CSNK1G1: variants seen among roughly 807,000 people sequenced by gnomAD.
The protein encoded by CSNK1G1 is casein kinase 1 gamma 1.
CSNK1G1 carries 22 observed loss-of-function variants against 59.6 expected under a neutral mutation model. The ratio of observed to expected loss-of-function variants is 0.37; its 90% CI spans 0.26 to 0.53. The LOEUF is 0.53. Ranked by LOEUF, CSNK1G1 falls within the 20% of genes least tolerant of loss-of-function variation. The probability of loss-of-function intolerance (pLI) is 0.89; values close to 1 mark genes in which losing one functional copy is unlikely to be tolerated. For missense variants in CSNK1G1, 384 were observed against 519.5 expected, an observed-to-expected ratio of 0.74 and a Z score of 2.54; for synonymous variants, 179 against 177.1, an observed-to-expected ratio of 1.01 and a Z score of -0.08.
At chr15:64,355,080 G>A (rs1285450785) in intron 1 of CSNK1G1, among the ~76,000 whole-genome samples, 3 of 152,244 alleles carry the variant, frequency 2.0e-5, no homozygotes, top group Middle Eastern at 3.4e-3. Context: ...AGGTTTACTG[G>A]CAGGTAAGAA....
chr15:64,284,476 T>A (rs891024163), intron 2 of CSNK1G1, among the ~76,000 whole-genome samples: 1 of 152,198 alleles, frequency 6.6e-6, no homozygotes, highest in Non-Finnish European at 1.5e-5. Context: ...TGTAGTTAGA[T>A]CTTAAATTCC....
chr15:64,242,629 C>T (rs530690990), intron 4 of CSNK1G1, among the ~76,000 whole-genome samples: 13 of 152,240 alleles, frequency 8.5e-5, no homozygotes, highest in South Asian at 4.1e-4. Context: ...TGGCCTAATA[C>T]GGCTTCACTA....
At chr15:64,314,887 C>T (rs920162679) in intron 1 of CSNK1G1, among the ~76,000 whole-genome samples, 10 of 152,152 alleles carry the variant, frequency 6.6e-5, no homozygotes, top group Admixed American at 5.9e-4. Flanking sequence ...GTGTTGAACA[C>T]TTAGGTTGAT....
chr15:64,184,228 G>A (rs544107780), intron 10 of CSNK1G1, among the ~76,000 whole-genome samples: 2 of 152,162 alleles, frequency 1.3e-5, no homozygotes, highest in South Asian at 4.1e-4. Context: ...GTGTGAACCT[G>A]GGAGGCGTAG....
At chr15:64,301,427 C>G (rs941611671) in intron 1 of CSNK1G1, among the ~76,000 whole-genome samples, 1 of 150,898 alleles carries the variant, frequency 6.6e-6, no homozygotes, top group African/African-American at 2.4e-5. Context: ...CTGCAGTGTC[C>G]AAATTCAGGA....
chr15:64,277,034 G>T (rs1341786593), intron 2 of CSNK1G1, among the ~76,000 whole-genome samples: 1 of 151,808 alleles, frequency 6.6e-6, no homozygotes, highest in African/African-American at 2.4e-5. Flanking sequence ...AATTCCGGAA[G>T]AACTAGAACC....
rs141667907 is a variant in CSNK1G1, at chr15:64,188,793, T to C, written c.1108-8339A>G. Among the ~76,000 whole-genome samples the C allele has an allele frequency of 4.8e-3, 729 of 152,244 alleles. 6 individuals carry two copies. The highest frequency in any genetic ancestry group is 0.017 in the African/African-American group (703 of 41,546). On this transcript the variant is annotated intron_variant, in intron 10 of 11. Coordinates refer to ENST00000303052, the MANE Select transcript of CSNK1G1 (RefSeq NM_022048.5). This position sits in a 1 kb window ranked among gnomAD's most constrained non-coding sequence, Gnocchi z 4.2. The stretch of plus-strand genomic sequence containing the variant: ...AGCTGGGATCATCTTTTAGTTTCCA[T>C]AGAGGTAAAATTTCAGTAGCCACTA...
intron 3 of CSNK1G1, among the ~76,000 whole-genome samples, chr15:64,256,778 T>C (rs116545147): frequency 6.6e-6 from 1 of 151,728 alleles, no homozygotes; most frequent in East Asian, 1.9e-4. Flanking sequence ...GAAAAAAGAG[T>C]CCACAATGAA....
intron 4 of CSNK1G1, among the ~76,000 whole-genome samples, chr15:64,237,727 A>G (rs2082634746): frequency 6.6e-6 from 1 of 152,214 alleles, no homozygotes; most frequent in African/African-American, 2.4e-5. Flanking sequence ...TCAGATCTAT[A>G]GTTAATTGCT....
chr15:64,339,593 A>T (rs561192264), intron 1 of CSNK1G1, among the ~76,000 whole-genome samples: 1 of 152,172 alleles, frequency 6.6e-6, no homozygotes, highest in Non-Finnish European at 1.5e-5. Flanking sequence ...GATTACAGAC[A>T]TGAGCCCAGC....
intron 1 of CSNK1G1, among the ~76,000 whole-genome samples, chr15:64,351,202 G>GAA (rs1352772970): frequency 1.3e-5 from 2 of 152,028 alleles, no homozygotes; most frequent in Non-Finnish European, 2.9e-5. Flanking sequence ...ATACTCATTT[G>GAA]GTTTGAGTAA....
Position 64,210,368 on chromosome 15 carries a change from TAAGA to T in CSNK1G1, c.680-2778_680-2775del, listed in dbSNP as rs1475071580. ...CCTTTAGGGCCTTTCAGGAAAAAAA[TAAGA>T]GTGAAAACCAGAGCATGCTTTATTT... On this transcript the variant is annotated intron_variant, in intron 6 of 11. Transcript: ENST00000303052. The surrounding 1 kb of genome is among the most constrained non-coding windows in gnomAD (Gnocchi z 4.2). Among the ~76,000 whole-genome samples the T allele has an allele frequency of 6.6e-6, 1 of 152,050 alleles. No homozygotes were observed. The highest frequency in any genetic ancestry group is 1.9e-4 in the East Asian group (1 of 5,188).
chr15:64,189,469 A>C, intron 10 of CSNK1G1: 1 of 1,281,742 alleles, frequency 7.8e-7, no homozygotes, highest in Non-Finnish European at 1.0e-6. Context: ...CAGCTGTAAC[A>C]GTCCTAAGGC....
At chr15:64,285,751 C>T (rs1202285226) in intron 2 of CSNK1G1, among the ~76,000 whole-genome samples, 1 of 152,054 alleles carries the variant, frequency 6.6e-6, no homozygotes, top group Non-Finnish European at 1.5e-5. Context: ...GCTATGAACA[C>T]CTCTGGATAA....
Position 64,220,551 on chromosome 15 carries a change from C to T in CSNK1G1, c.293-3838G>A, listed in dbSNP as rs552266920. On this transcript the variant is annotated intron_variant, in intron 4 of 11. Transcript: ENST00000303052. ...TTGCTCTGCTGCCCAGGCTGGAGTGCAGTTGCATGATCTTAGATCAGTGCA... is the reference window on the plus strand; with the variant it reads ...TTGCTCTGCTGCCCAGGCTGGAGTGTAGTTGCATGATCTTAGATCAGTGCA... 3.3e-5 allele frequency among the ~76,000 whole-genome samples: 5 copies of T among 151,254 alleles called. No individual in the cohort carries two copies. The East Asian group carries it at 9.7e-4, about 29-fold the overall frequency.
Position 64,169,234 on chromosome 15 carries a change from T to G in CSNK1G1, c.*2697A>C, listed in dbSNP as rs990334265. Reference sequence around the variant, plus strand: ...GCATTCCCACCATTTCCCTCTGCCCTTTTTTTTTTTTCTTTTTAGACAGAG... The same window carrying G: ...GCATTCCCACCATTTCCCTCTGCCCGTTTTTTTTTTTCTTTTTAGACAGAG... On this transcript the variant is annotated 3_prime_UTR_variant, in exon 12 of 12. Coordinates refer to ENST00000303052, the MANE Select transcript of CSNK1G1 (RefSeq NM_022048.5). 4 of 96,972 alleles carry G rather than the reference T, an allele frequency of 4.1e-5. No individual in the cohort carries two copies. Among genetic ancestry groups the G allele is most frequent in the Admixed American group, 8.6e-5 (1 of 11,636 alleles). 6.0% of individuals were successfully genotyped at this position (96,972 alleles called of 1,614,324 possible). A position where few individuals can be genotyped will look rare whatever the true frequency, so the allele number is the denominator to read the frequency against.
At chr15:64,312,483 T>G (rs955129873) in intron 1 of CSNK1G1, among the ~76,000 whole-genome samples, 4 of 152,166 alleles carry the variant, frequency 2.6e-5, no homozygotes, top group Non-Finnish European at 4.4e-5. Context: ...TTGACAAACC[T>G]GACAATAACC....
At chr15:64,236,316 C>T (rs1031590853) in intron 4 of CSNK1G1, among the ~76,000 whole-genome samples, 4 of 152,082 alleles carry the variant, frequency 2.6e-5, no homozygotes, top group Non-Finnish European at 5.9e-5. Flanking sequence ...GCTATCCATT[C>T]ATACTTTTGC....
intron 2 of CSNK1G1, among the ~76,000 whole-genome samples, chr15:64,277,478 T>G (rs1037118540): frequency 1.3e-5 from 2 of 151,104 alleles, no homozygotes; most frequent in Non-Finnish European, 2.9e-5. Context: ...TTCATTCATA[T>G]GTACATACAT....
Sources: allele counts gnomAD v4.1 joint callset (sites outside exome capture counted in the v4.1 genomes callset), GRCh38; gene constraint gnomAD v4.1.1; non-coding constraint Gnocchi (gnomAD v3.1); transcripts MANE v1.5; gene names NCBI Gene and HGNC (gene_info 2026-07-23, HGNC 2026-07-21).